The following PHACTR3 variants were observed in gnomAD, a reference collection of about 807,000 sequenced individuals.
The protein encoded by PHACTR3 is protein phosphatase 1, regulatory subunit 123.
PHACTR3 carries 16 observed loss-of-function variants against 66.8 expected under a neutral mutation model. That is an observed-to-expected ratio of 0.24 (90% CI 0.16 to 0.36). PHACTR3 has a LOEUF of 0.36. Among genes scored for constraint, PHACTR3 ranks in the 10% least tolerant of loss-of-function variants. PHACTR3 has a pLI of 1.00. For synonymous variants in PHACTR3, 323 were observed against 292.1 expected, an observed-to-expected ratio of 1.11 and a Z score of -1.08; for missense variants, 647 against 719.9, an observed-to-expected ratio of 0.90 and a Z score of 1.16.
At chr20:59,745,390 C>T (rs538099668) in intron 2 of PHACTR3, among the ~76,000 whole-genome samples, 8 of 152,152 alleles carry the variant, frequency 5.3e-5, no homozygotes, top group Non-Finnish European at 1.2e-4. Context: ...CAAGCTGTGC[C>T]GTGTGAGTTC....
intron 1 of PHACTR3, among the ~76,000 whole-genome samples, chr20:59,662,760 G>A (rs2035856370): frequency 6.6e-6 from 1 of 152,138 alleles, no homozygotes; most frequent in African/African-American, 2.4e-5. Flanking sequence ...GAGGTGCTGG[G>A]GGCCAGTCCT....
At chr20:59,672,763 TC>T (rs1273107145) in intron 1 of PHACTR3, among the ~76,000 whole-genome samples, 2 of 152,174 alleles carry the variant, frequency 1.3e-5, no homozygotes, top group East Asian at 3.8e-4. Context: ...TCTCTCCTCA[TC>T]CACGAGTCAG....
intron 1 of PHACTR3, among the ~76,000 whole-genome samples, chr20:59,634,604 C>A (rs1345719033): frequency 6.6e-6 from 1 of 152,184 alleles, no homozygotes; most frequent in Non-Finnish European, 1.5e-5. Flanking sequence ...AGAAAAATTT[C>A]CCGGTCTAAA....
chr20:59,743,952 C>A (rs758310831), intron 2 of PHACTR3, among the ~76,000 whole-genome samples: 3 of 152,190 alleles, frequency 2.0e-5, no homozygotes, highest in African/African-American at 4.8e-5. Context: ...AGCCCTGGCT[C>A]TGTGGGAAGC....
Position 59,830,048 on chromosome 20 carries a change from G to A in PHACTR3, c.1329-6457G>A, listed in dbSNP as rs1028362931. On this transcript the variant is annotated intron_variant, in intron 8 of 12. Transcript: ENST00000371015. The surrounding 1 kb of genome is among the most constrained non-coding windows in gnomAD (Gnocchi z 5.8). ...GCAGGAAGGCAGTCAGCTGAGCAGTGTGTGCAGAGGACGATTCAGAAACTG... is the reference window on the plus strand; with the variant it reads ...GCAGGAAGGCAGTCAGCTGAGCAGTATGTGCAGAGGACGATTCAGAAACTG... Among the ~76,000 whole-genome samples the A allele has an allele frequency of 6.6e-6, 1 of 152,224 alleles. No individual in the cohort carries two copies.
upstream of PHACTR3, among the ~76,000 whole-genome samples, chr20:59,602,439 CAA>C (rs11477953): frequency 3.5e-4 from 30 of 85,906 alleles, no homozygotes; most frequent in East Asian, 5.1e-4. Flanking sequence ...AAAACTCTTT[CAA>C]AAAAAAAAAA....
chr20:59,770,142 G>A (rs375448165), intron 5 of PHACTR3, among the ~76,000 whole-genome samples: 6 of 152,204 alleles, frequency 3.9e-5, no homozygotes, highest in East Asian at 3.9e-4. Flanking sequence ...AAATTCTGGC[G>A]TTCTGTCCCC....
chr20:59,840,359 T>C lies in PHACTR3; in HGVS notation c.1385-10T>C. The C allele has an allele frequency of 6.2e-7, 1 of 1,603,440 alleles. No individual in the cohort carries two copies. ...TGTTATTTTTTTTTTCCTATTTTAA[T>C]CTTTCACAGAAAGGAATGATCAGAC... On this transcript the variant is annotated splice_polypyrimidine_tract_variant and intron_variant, in intron 9 of 12. Coordinates refer to ENST00000371015, the MANE Select transcript of PHACTR3 (RefSeq NM_080672.5).
At chr20:59,615,587 G>A (rs752141794) in intron 1 of PHACTR3, among the ~76,000 whole-genome samples, 8 of 152,320 alleles carry the variant, frequency 5.3e-5, no homozygotes, top group South Asian at 2.1e-4. Flanking sequence ...CCAGACCTCC[G>A]TGGCCCTACA....
At chr20:59,745,952 C>T (rs992782665) in intron 2 of PHACTR3, among the ~76,000 whole-genome samples, 9 of 152,230 alleles carry the variant, frequency 5.9e-5, no homozygotes, top group East Asian at 1.9e-4. Flanking sequence ...ATGAGCACCG[C>T]CTGGTGCCGG....
chr20:59,579,810 C>T (rs2032810678), intron 1 of PHACTR3, among the ~76,000 whole-genome samples: 1 of 152,072 alleles, frequency 6.6e-6, no homozygotes, highest in Non-Finnish European at 1.5e-5. Flanking sequence ...ACTTGGGTAC[C>T]CCAAATCCAG....
intron 1 of PHACTR3, among the ~76,000 whole-genome samples, chr20:59,696,682 C>T (rs1218596197): frequency 6.6e-6 from 1 of 152,180 alleles, no homozygotes; most frequent in Non-Finnish European, 1.5e-5. Context: ...CTGGCTCTGT[C>T]CACACCAGGC....
At chr20:59,832,766 A>G (rs2042421373) in intron 8 of PHACTR3, among the ~76,000 whole-genome samples, 1 of 151,558 alleles carries the variant, frequency 6.6e-6, no homozygotes, top group South Asian at 2.1e-4. Context: ...GATCTAAACG[A>G]CCCCACCTCA....
intron 8 of PHACTR3, among the ~76,000 whole-genome samples, chr20:59,835,619 T>C (rs913925892): frequency 7.2e-5 from 11 of 152,284 alleles, no homozygotes; most frequent in African/African-American, 2.4e-4. Flanking sequence ...GACAATATTA[T>C]TGTAGTCATA....
chr20:59,600,518 T>C (rs1280937444), upstream of PHACTR3, among the ~76,000 whole-genome samples: 3 of 152,142 alleles, frequency 2.0e-5, no homozygotes, highest in Non-Finnish European at 2.9e-5. Flanking sequence ...TGGGGTACCA[T>C]TCCTCACCAC....
chr20:59,741,755 T>A (rs1488418713), intron 1 of PHACTR3, among the ~76,000 whole-genome samples: 1 of 6,958 alleles, frequency 1.4e-4, no homozygotes, highest in African/African-American at 1.7e-3. Flanking sequence ...TCTTTCTTTC[T>A]TTTTTTTTTT....
chr20:59,841,129 A>G (rs777641438), intron 10 of PHACTR3, among the ~76,000 whole-genome samples: 4 of 152,198 alleles, frequency 2.6e-5, no homozygotes, highest in Non-Finnish European at 4.4e-5. Flanking sequence ...TTAATTCACT[A>G]ACCATTCCTT....
intron 7 of PHACTR3, among the ~76,000 whole-genome samples, chr20:59,788,603 A>G (rs952004631): frequency 1.3e-5 from 2 of 152,082 alleles, no homozygotes; most frequent in African/African-American, 4.8e-5. Flanking sequence ...TTGAGGCTCA[A>G]CCTCACATCT....
rs866101733 is a variant in PHACTR3, at chr20:59,674,236, C to T, written c.119-68871C>T. 7.4e-5 allele frequency among the ~76,000 whole-genome samples: 11 copies of T among 148,786 alleles called. 1 individual carries two copies. The highest frequency in any genetic ancestry group is 3.4e-3 in the Middle Eastern group (1 of 294). On this transcript the variant is annotated intron_variant, in intron 1 of 12. Coordinates refer to ENST00000371015, the MANE Select transcript of PHACTR3 (RefSeq NM_080672.5). Reference sequence around the variant, plus strand: ...AGCCTGTGGCTGCTGCGTTTAGAGACCCAGAGACCCTGAATGTGGACTAAC... The same window carrying T: ...AGCCTGTGGCTGCTGCGTTTAGAGATCCAGAGACCCTGAATGTGGACTAAC...
Sources: gnomAD v4.1 joint callset for allele counts (sites outside exome capture counted in the v4.1 genomes callset) on GRCh38, gnomAD v4.1.1 for gene constraint, Gnocchi (gnomAD v3.1) non-coding constraint, MANE v1.5 for transcripts, NCBI Gene and HGNC (gene_info 2026-07-23, HGNC 2026-07-21) for gene names.